The following RBM33 variants were observed in gnomAD, a reference collection of about 807,000 sequenced individuals.
RBM33 encodes RNA binding motif protein 33.
In RBM33, 28 loss-of-function variants were observed where a neutral mutation model predicts 132.6. The ratio of observed to expected loss-of-function variants is 0.21; its 90% CI spans 0.16 to 0.29. RBM33 has a LOEUF of 0.29. Ranked by LOEUF, RBM33 falls within the 10% of genes least tolerant of loss-of-function variation. RBM33 has a pLI of 1.00. For synonymous variants in RBM33, 634 were observed against 593.0 expected, an observed-to-expected ratio of 1.07 and a Z score of -1.01; for missense variants, 1,291 against 1,518.5, an observed-to-expected ratio of 0.85 and a Z score of 2.49.
rs1329769780 is a variant in RBM33 at position 155,774,946 on chromosome 7, T to G, written c.3465-47T>G. 3.2e-6 allele frequency: 5 copies of G among 1,583,366 alleles called. No individual in the cohort carries two copies. The highest frequency in any genetic ancestry group is 3.5e-6 in the Non-Finnish European group (4 of 1,152,156). On this transcript the variant is annotated intron_variant, in intron 17 of 17. Transcript: ENST00000401878. The surrounding 1 kb of genome is among the most constrained non-coding windows in gnomAD (Gnocchi z 4.2). The stretch of plus-strand genomic sequence containing the variant: ...TTTCCTCCCACCTTGGTAGGTTGAT[T>G]GCCGATGTGCAGGGTTAGTGTCGAT...
At chr7:155,694,617 C>G (rs572722170) in intron 5 of RBM33, among the ~76,000 whole-genome samples, 1 of 152,282 alleles carries the variant, frequency 6.6e-6, no homozygotes, top group East Asian at 1.9e-4. Flanking sequence ...GTAAAGCGTT[C>G]TTATTTCTAT....
chr7:155,737,424 C>A, intron 9 of RBM33, 106 bp from the exon 10 acceptor site: 1 of 1,128,306 alleles, frequency 8.9e-7, no homozygotes. Context: ...AGACACGTTA[C>A]TTGACATTTT....
At chr7:155,727,701 A>C (rs1174208777) in intron 9 of RBM33, among the ~76,000 whole-genome samples, 2 of 152,260 alleles carry the variant, frequency 1.3e-5, no homozygotes, top group African/African-American at 4.8e-5. Context: ...GGCAAGCCAC[A>C]TATCTGCCCA....
intron 7 of RBM33, chr7:155,707,305 G>A (rs1483397944): frequency 3.1e-6 from 2 of 639,070 alleles, no homozygotes; most frequent in African/African-American, 1.8e-5. Context: ...TACTTCCAGA[G>A]GAGGAATTAA....
intron 1 of RBM33, among the ~76,000 whole-genome samples, chr7:155,654,856 C>T (rs1031884940): frequency 2.6e-5 from 4 of 152,012 alleles, no homozygotes; most frequent in Non-Finnish European, 5.9e-5. Context: ...TTTTATTTGT[C>T]CTCACATTAT....
At chr7:155,692,014 G>A (rs1563146299) in intron 5 of RBM33, among the ~76,000 whole-genome samples, 1 of 150,472 alleles carries the variant, frequency 6.6e-6, no homozygotes, top group African/African-American at 2.5e-5. Flanking sequence ...TTGCGCCACT[G>A]CCCTCCAGTT....
chr7:155,738,438 T>C, intron 11 of RBM33, 35 bp downstream of exon 11: 1 of 1,562,182 alleles, frequency 6.4e-7, no homozygotes, highest in Non-Finnish European at 8.7e-7. Context: ...AGGGAAAAAA[T>C]GTGTAGCTTC....
rs905075828 is a variant in RBM33, at chr7:155,722,582, A to G, written c.1260+4139A>G. On this transcript the variant is annotated intron_variant, in intron 9 of 17. Coordinates refer to ENST00000401878, the MANE Select transcript of RBM33 (RefSeq NM_053043.3). ...AAAGCTGTAAGTCCTTATCTTATCC[A>G]TAAAGTATATTTTCTAGTCATGTAT... Among the ~76,000 whole-genome samples, 13 of 152,346 alleles carry G rather than the reference A, an allele frequency of 8.5e-5. 1 individual carries two copies. Among genetic ancestry groups the G allele is most frequent in the Admixed American group, 3.3e-4 (5 of 15,304 alleles).
At chr7:155,767,533 C>T (rs546527253) in intron 16 of RBM33, among the ~76,000 whole-genome samples, 5 of 152,328 alleles carry the variant, frequency 3.3e-5, no homozygotes, top group South Asian at 4.1e-4. Context: ...AGGGTTGATA[C>T]GGGTAATTAA....
chr7:155,706,726 GT>G lies in RBM33; in HGVS notation c.740-132del, dbSNP rs1800125538. The G allele has an allele frequency of 1.0e-5, 7 of 666,860 alleles. No homozygotes were observed. The Admixed American group carries it at 1.6e-4, about 15-fold the overall frequency. The allele number at this position is 666,860 out of a possible 1,614,324, so 41.3% of individuals were successfully genotyped here. A position where few individuals can be genotyped will look rare whatever the true frequency, so the allele number is the denominator to read the frequency against. On this transcript the variant is annotated intron_variant, in intron 6 of 17. Coordinates refer to ENST00000401878, the MANE Select transcript of RBM33 (RefSeq NM_053043.3). Reference sequence around the variant, plus strand: ...GGTTGTATCGTACTTGCCGCTGCTAGTTGGGTGTTTCCTGCGGGTGAAGCAC... The same window carrying G: ...GGTTGTATCGTACTTGCCGCTGCTAGTGGGTGTTTCCTGCGGGTGAAGCAC...
chr7:155,673,613 C>T lies in RBM33; in HGVS notation c.171+698C>T, dbSNP rs189080287. 2.4e-3 allele frequency among the ~76,000 whole-genome samples: 191 copies of T among 79,594 alleles called. 20 individuals carry two copies. The highest frequency in any genetic ancestry group is 4.7e-3 in the Admixed American group (42 of 8,940). The allele number at this position is 79,594 out of a possible 152,430, so 52.2% of individuals were successfully genotyped here. ...ATATATACACACATATACATACACA[C>T]GTGTATATATATACACACATATACA... On this transcript the variant is annotated intron_variant, in intron 3 of 17. Coordinates refer to ENST00000401878, the MANE Select transcript of RBM33 (RefSeq NM_053043.3).
At chr7:155,691,831 G>A (rs528524208) in intron 5 of RBM33, among the ~76,000 whole-genome samples, 2 of 152,108 alleles carry the variant, frequency 1.3e-5, no homozygotes, top group South Asian at 4.2e-4. Flanking sequence ...CTAGGTGGAC[G>A]GGTCACTTGA....
chr7:155,725,405 T>A (rs1800765667), intron 9 of RBM33, among the ~76,000 whole-genome samples: 1 of 152,138 alleles, frequency 6.6e-6, no homozygotes, highest in African/African-American at 2.4e-5. Flanking sequence ...TTGCTTAAGT[T>A]CACACAACTG....
chr7:155,692,692 G>A (rs899488590), intron 5 of RBM33, among the ~76,000 whole-genome samples: 2 of 152,160 alleles, frequency 1.3e-5, no homozygotes, highest in African/African-American at 2.4e-5. Flanking sequence ...TACAGCTTCC[G>A]TGAAATGGTG....
chr7:155,672,765 AG>A, intron 2 of RBM33, 101 bp from the exon 3 acceptor site: 1 of 491,108 alleles, frequency 2.0e-6, no homozygotes, highest in South Asian at 2.8e-5. Flanking sequence ...AAAAAAAAAA[AG>A]GTACCTGAGC....
chr7:155,741,610 TG>T (rs930083977), intron 12 of RBM33, among the ~76,000 whole-genome samples: 1 of 152,176 alleles, frequency 6.6e-6, no homozygotes, highest in African/African-American at 2.4e-5. Flanking sequence ...CAATGGAAAT[TG>T]TTAACATTAG....
intron 14 of RBM33, among the ~76,000 whole-genome samples, chr7:155,762,327 G>A (rs1288558956): frequency 6.6e-6 from 1 of 152,218 alleles, no homozygotes; most frequent in African/African-American, 2.4e-5. Context: ...GGCCAGTGCT[G>A]CTGGGGAACT....
At chr7:155,673,879 T>A (rs536719644) in intron 3 of RBM33, among the ~76,000 whole-genome samples, 9 of 150,174 alleles carry the variant, frequency 6.0e-5, no homozygotes, top group East Asian at 2.0e-4. Context: ...CTACATTTTT[T>A]AAATTTTATT....
chr7:155,738,053 CT>C lies in RBM33; in HGVS notation c.1394-4del, dbSNP rs1165141939. On this transcript the variant is annotated splice_polypyrimidine_tract_variant and splice_region_variant and intron_variant, in intron 10 of 17. Coordinates refer to ENST00000401878, the MANE Select transcript of RBM33 (RefSeq NM_053043.3). ...CCTGAAGTTAATGATGTTGTGTTAC[CT>C]TTCAGTTTCAGGTGAACCAAGATTC... is the stretch of plus-strand genomic sequence containing the variant. The C allele has an allele frequency of 3.1e-6, 5 of 1,609,028 alleles. No homozygotes were observed. In the Admixed American group the frequency reaches 6.7e-5, roughly 22 times the overall value.
Sources: allele counts gnomAD v4.1 joint callset (sites outside exome capture counted in the v4.1 genomes callset), GRCh38; gene constraint gnomAD v4.1.1; non-coding constraint Gnocchi (gnomAD v3.1); transcripts MANE v1.5; gene names NCBI Gene and HGNC (gene_info 2026-07-23, HGNC 2026-07-21).